Variants in AKAP10 observed in about 807,000 individuals in gnomAD.
AKAP10 encodes A-kinase anchor protein 10, mitochondrial.
AKAP10 carries 24 observed loss-of-function variants against 80.8 expected under a neutral mutation model. That is an observed-to-expected ratio of 0.30 (90% CI 0.22 to 0.42). The LOEUF (loss-of-function observed/expected upper bound fraction) is 0.42. Ranked by LOEUF, AKAP10 falls within the 10% of genes least tolerant of loss-of-function variation. AKAP10 has a pLI of 1.00. For missense variants in AKAP10, 661 were observed against 794.9 expected (o/e 0.83, Z 2.03); for synonymous variants, 291 against 277.7 (o/e 1.05, Z -0.48).
rs1421816672 is a variant in AKAP10, at chr17:19,909,195, C to G, written c.1969G>C (p.Glu657Gln). The G allele has an allele frequency of 6.2e-7, 1 of 1,611,582 alleles. No homozygotes were observed. The highest frequency in any genetic ancestry group is 2.2e-5 in the East Asian group (1 of 44,800). ...GTCATCCTTACCTTTGTAGATTTCT[C>G]TAACGGTTGATCATACTGAGCCTGC... ...MQQAQYDQPL[E>Q]KSTKL The change falls in exon 14 of 15, where the codon GAG becomes CAG. Residue 657 changes from glutamate to glutamine, a missense_variant. Transcript: ENST00000225737.
intron 5 of AKAP10, among the ~76,000 whole-genome samples, chr17:19,946,183 CA>C (rs1201837775): frequency 0.018 from 1,430 of 79,916 alleles, 113 homozygotes; most frequent in African/African-American, 0.054. Context: ...ACTATATATG[CA>C]TATATACTAA....
chr17:19,973,010 G>T (rs1196423231), intron 1 of AKAP10, among the ~76,000 whole-genome samples: 2 of 151,380 alleles, frequency 1.3e-5, no homozygotes, highest in Non-Finnish European at 3.0e-5. Context: ...TTTGCTTTAA[G>T]ACTCCGTCAC....
intron 1 of AKAP10, 115 bp downstream of exon 1, chr17:19,977,477 G>GT: frequency 1.2e-6 from 1 of 801,610 alleles, no homozygotes; most frequent in East Asian, 3.4e-5. Flanking sequence ...CTGCGCCGAG[G>GT]TCGAGGCTCG....
chr17:19,969,655 A>G (rs1243240496), intron 1 of AKAP10, among the ~76,000 whole-genome samples: 1 of 152,162 alleles, frequency 6.6e-6, no homozygotes, highest in Admixed American at 6.5e-5. Flanking sequence ...AAAGGCTAGT[A>G]GCAGGAAATA....
chr17:19,956,588 G>C (rs935002258), intron 4 of AKAP10, among the ~76,000 whole-genome samples: 4 of 152,132 alleles, frequency 2.6e-5, no homozygotes, highest in Non-Finnish European at 4.4e-5. Flanking sequence ...CTGGGGTCTT[G>C]CTGTGTTGCC....
chr17:19,907,612 G>T (rs2042645343), intron 14 of AKAP10, among the ~76,000 whole-genome samples: 1 of 151,424 alleles, frequency 6.6e-6, no homozygotes, highest in African/African-American at 2.4e-5. Context: ...TAGAGAAGGG[G>T]TTTCACCATA....
At chr17:19,930,734 T>TG (rs2042923247) in intron 10 of AKAP10, among the ~76,000 whole-genome samples, 1 of 152,238 alleles carries the variant, frequency 6.6e-6, no homozygotes, top group East Asian at 1.9e-4. Context: ...TTTTTTGAGA[T>TG]GGAGTCTCAC....
rs756678434 is a variant in AKAP10 at position 19,931,793 on chromosome 17, A to G, written c.1641+12T>C. The G allele has an allele frequency of 1.9e-6, 3 of 1,605,982 alleles. No homozygotes were observed. The highest frequency in any genetic ancestry group is 1.7e-4 in the Middle Eastern group (1 of 6,022). ...GCTTTTCTCCCTAATGGCAGACGCA[A>G]TCAGTCAATACCTGAGACGCAGAGC... On this transcript the variant is annotated intron_variant, in intron 10 of 14. Coordinates refer to ENST00000225737, the MANE Select transcript of AKAP10 (RefSeq NM_007202.4).
chr17:19,947,903 T>G (rs756495966), intron 4 of AKAP10, among the ~76,000 whole-genome samples: 1 of 151,578 alleles, frequency 6.6e-6, no homozygotes, highest in Non-Finnish European at 1.5e-5. Flanking sequence ...GTGAAGCTTG[T>G]GTGGATGAAA....
chr17:19,907,094 C>T (rs538680770), intron 14 of AKAP10, among the ~76,000 whole-genome samples: 25 of 151,980 alleles, frequency 1.6e-4, no homozygotes, highest in South Asian at 1.2e-3. Flanking sequence ...CTCAGCTCAC[C>T]GCAACCTCTG....
rs563608367 is a variant in AKAP10 at position 19,928,987 on chromosome 17, T to A, written c.1641+2818A>T. 7.2e-5 allele frequency among the ~76,000 whole-genome samples: 11 copies of A among 152,226 alleles called. No individual in the cohort carries two copies. The South Asian group carries it at 1.7e-3, about 23-fold the overall frequency. On this transcript the variant is annotated intron_variant, in intron 10 of 14. Transcript: ENST00000225737. ...TACAATTCAAATAAAATGTCATAAA[T>A]CCTTGCAATGGGATATTTGGCCATA...
chr17:19,918,935 A>G (rs1046243729), intron 12 of AKAP10, among the ~76,000 whole-genome samples: 5 of 152,046 alleles, frequency 3.3e-5, no homozygotes, highest in African/African-American at 1.2e-4. Flanking sequence ...ATTTTTTTTA[A>G]ATTTATTATA....
chr17:19,913,779 G>C (rs1276887398), intron 12 of AKAP10, among the ~76,000 whole-genome samples: 1 of 152,056 alleles, frequency 6.6e-6, no homozygotes, highest in Non-Finnish European at 1.5e-5. Context: ...GGGCAACCAA[G>C]TTTAAAAAAT....
chr17:19,926,766 G>T (rs1202732580), intron 10 of AKAP10, among the ~76,000 whole-genome samples: 1 of 152,182 alleles, frequency 6.6e-6, no homozygotes, highest in African/African-American at 2.4e-5. Flanking sequence ...TGAAATGAAA[G>T]AACACATAAA....
intron 10 of AKAP10, chr17:19,929,645 T>G (rs1234656134): frequency 6.6e-6 from 1 of 152,122 alleles, no homozygotes; most frequent in Non-Finnish European, 1.5e-5. Context: ...AAATATATTT[T>G]ATGGTTAGTA....
Position 19,947,497 on chromosome 17 carries a change from G to C in AKAP10, c.886C>G (p.Gln296Glu). 6.2e-7 allele frequency: 1 copy of C among 1,609,090 alleles called. No homozygotes were observed. The highest frequency in any genetic ancestry group is 2.2e-5 in the East Asian group (1 of 44,830). The change falls in exon 5 of 15, where the codon CAA becomes GAA. Residue 296 changes from glutamine to glutamate, a missense_variant. Gln to Glu is a conservative substitution (Grantham distance 29, BLOSUM62 2). Coordinates refer to ENST00000225737, the MANE Select transcript of AKAP10 (RefSeq NM_007202.4). The part of the protein sequence containing the change: ...LSGKLMKSIE[Q>E]DAVNTFTKYI... ...TTGGTAAAAGTATTCACTGCATCTT[G>C]TTCTATACCTGCAAGGGAAGAAGAG... is the stretch of plus-strand genomic sequence containing the variant.
intron 9 of AKAP10, among the ~76,000 whole-genome samples, chr17:19,932,366 T>C (rs1319485266): frequency 6.6e-6 from 1 of 150,920 alleles, no homozygotes; most frequent in Middle Eastern, 3.3e-3. Context: ...GGCAGGAGAA[T>C]TGCTTGAACC....
intron 4 of AKAP10, among the ~76,000 whole-genome samples, chr17:19,951,946 CAA>C (rs1379592554): frequency 7.9e-6 from 1 of 125,996 alleles, no homozygotes; most frequent in African/African-American, 3.0e-5. Flanking sequence ...AAGGGGAAAT[CAA>C]AGAGGGAGAA....
intron 10 of AKAP10, among the ~76,000 whole-genome samples, chr17:19,931,279 C>G (rs1236290809): frequency 6.6e-6 from 1 of 151,850 alleles, no homozygotes; most frequent in Non-Finnish European, 1.5e-5. Flanking sequence ...GCCACAGATT[C>G]AAATAGAATA....
Sources: gnomAD v4.1 joint callset for allele counts (sites outside exome capture counted in the v4.1 genomes callset) on GRCh38, gnomAD v4.1.1 for gene constraint, MANE v1.5 for transcripts, NCBI Gene and HGNC (gene_info 2026-07-23, HGNC 2026-07-21) for gene names.